The following TBC1D14 variants were observed in gnomAD, a reference collection of about 807,000 sequenced individuals.
TBC1D14 encodes TBC1 domain family, member 14.
TBC1D14 carries 26 observed loss-of-function variants against 79.0 expected under a neutral mutation model. The ratio of observed to expected loss-of-function variants is 0.33; its 90% CI spans 0.24 to 0.46. TBC1D14 has a LOEUF of 0.46. Ranked by LOEUF, TBC1D14 falls within the 20% of genes least tolerant of loss-of-function variation. The pLI is 1.00. For missense variants in TBC1D14, 769 were observed against 887.6 expected, an observed-to-expected ratio of 0.87 and a Z score of 1.70; for synonymous variants, 394 against 349.9, an observed-to-expected ratio of 1.13 and a Z score of -1.40.
chr4:6,965,766 C>G (rs1438411804), intron 2 of TBC1D14, among the ~76,000 whole-genome samples: 2 of 152,212 alleles, frequency 1.3e-5, no homozygotes, highest in Admixed American at 6.5e-5. Context: ...GTCTCAAACT[C>G]TTGGCCTCCT....
rs114256046 is a variant in TBC1D14 at position 6,959,876 on chromosome 4, G to C, written c.723-7428G>C. On this transcript the variant is annotated intron_variant, in intron 2 of 13. Coordinates refer to ENST00000409757, the MANE Select transcript of TBC1D14 (RefSeq NM_020773.3). ...TGCAGAAAAATCCTGTACTTTTTTG[G>C]GGTGTGATGAAGTCTTACTGATTTG... Among the ~76,000 whole-genome samples the C allele has an allele frequency of 7.3e-3, 1,110 of 152,212 alleles. 16 individuals are homozygous for C. The highest frequency in any genetic ancestry group is 0.025 in the African/African-American group (1,057 of 41,508).
chr4:7,003,564 A>T lies in TBC1D14; in HGVS notation c.1271-1280A>T, dbSNP rs1239961869. 2.6e-5 allele frequency among the ~76,000 whole-genome samples: 4 copies of T among 152,252 alleles called. No individual in the cohort carries two copies. The South Asian group carries it at 8.3e-4, about 31-fold the overall frequency. ...ATAGTGTGCACTGCCCAGAAGGCAGATGTGCTCTGCTGTATTTTCCAAAAG... is the reference window on the plus strand; with the variant it reads ...ATAGTGTGCACTGCCCAGAAGGCAGTTGTGCTCTGCTGTATTTTCCAAAAG... On this transcript the variant is annotated intron_variant, in intron 7 of 13. Coordinates refer to ENST00000409757, the MANE Select transcript of TBC1D14 (RefSeq NM_020773.3).
chr4:6,974,704 A>G (rs943358019), intron 3 of TBC1D14, among the ~76,000 whole-genome samples: 9 of 152,202 alleles, frequency 5.9e-5, no homozygotes, highest in African/African-American at 2.2e-4. Context: ...TTGCTTACTA[A>G]GATAAAAACG....
intron 2 of TBC1D14, among the ~76,000 whole-genome samples, chr4:6,937,713 A>G (rs1712475357): frequency 6.6e-6 from 1 of 152,174 alleles, no homozygotes; most frequent in Non-Finnish European, 1.5e-5. Flanking sequence ...CTAAGTGTGT[A>G]CAGGGAAGGG....
chr4:7,007,479 T>C (rs1027948009), intron 9 of TBC1D14: 57 of 1,213,844 alleles, frequency 4.7e-5, no homozygotes, highest in Non-Finnish European at 5.9e-5. Context: ...TCTTGCAGAA[T>C]ACCTTTGCAC....
intron 1 of TBC1D14, among the ~76,000 whole-genome samples, chr4:6,919,721 A>G (rs1339444126): frequency 6.6e-6 from 1 of 151,928 alleles, no homozygotes; most frequent in African/African-American, 2.4e-5. Flanking sequence ...CCTGGGTTCA[A>G]GCGATTCTCC....
At chr4:6,967,468 T>A (rs111813186) in intron 3 of TBC1D14, 44 bp downstream of exon 3, 1 of 1,598,400 alleles carries the variant, frequency 6.3e-7, no homozygotes, top group Non-Finnish European at 8.5e-7. Flanking sequence ...TTGGATGTGT[T>A]TAGCATATAT....
At chr4:7,016,416 C>T (rs1721283025) in intron 12 of TBC1D14, among the ~76,000 whole-genome samples, 1 of 152,252 alleles carries the variant, frequency 6.6e-6, no homozygotes, top group African/African-American at 2.4e-5. Flanking sequence ...GTGCATTTGA[C>T]TGCGAGCCCT....
intron 2 of TBC1D14, among the ~76,000 whole-genome samples, chr4:6,938,229 T>A (rs1426482672): frequency 1.3e-5 from 2 of 152,142 alleles, no homozygotes; most frequent in African/African-American, 4.8e-5. Context: ...CCCTGACTGT[T>A]GGCTGTGCAG....
At chr4:7,017,315 A>C (rs1038511431) in intron 12 of TBC1D14, among the ~76,000 whole-genome samples, 1 of 152,092 alleles carries the variant, frequency 6.6e-6, no homozygotes, top group Non-Finnish European at 1.5e-5. Context: ...CAAACAAACA[A>C]AAAATAAAAC....
intron 2 of TBC1D14, among the ~76,000 whole-genome samples, chr4:6,949,371 G>C (rs1713800824): frequency 6.6e-6 from 1 of 151,994 alleles, no homozygotes; most frequent in African/African-American, 2.4e-5. Context: ...TTATAGATCA[G>C]TGTTTATTAC....
intron 12 of TBC1D14, among the ~76,000 whole-genome samples, chr4:7,018,270 A>G (rs1721474841): frequency 6.6e-6 from 1 of 152,188 alleles, no homozygotes. Flanking sequence ...TGCCTGAGCA[A>G]GAGAGCCTTC....
At chr4:7,015,678 C>T (rs142479958) in intron 12 of TBC1D14, among the ~76,000 whole-genome samples, 3 of 152,258 alleles carry the variant, frequency 2.0e-5, no homozygotes, top group Non-Finnish European at 4.4e-5. Context: ...AGCAGCCTCT[C>T]AGATCACATG....
intron 3 of TBC1D14, among the ~76,000 whole-genome samples, chr4:6,978,002 C>T (rs1241556581): frequency 2.6e-5 from 4 of 150,962 alleles, no homozygotes; most frequent in African/African-American, 7.3e-5. Flanking sequence ...CCCCTCCGCC[C>T]GGCAGCCACT....
rs1352871477 is a variant in TBC1D14, at chr4:6,994,233, A to G, written c.893A>G (p.Gln298Arg). 6.2e-7 allele frequency: 1 copy of G among 1,614,276 alleles called. No homozygotes were observed. Among genetic ancestry groups the G allele is most frequent in the Admixed American group, 1.7e-5 (1 of 60,032 alleles). The change falls in exon 4 of 14, where the codon CAG becomes CGG. Residue 298 changes from glutamine to arginine, a missense_variant. Gln to Arg is a conservative substitution (Grantham distance 43). Around this residue, in one of 2 missense-constraint regions of TBC1D14, gnomAD observed 402 missense variants for 393.2 expected, o/e 1.02. Transcript: ENST00000409757. Reference protein sequence around the residue: ...GRPSKPPSPKQNVRKNLDFEP... With the variant: ...GRPSKPPSPKRNVRKNLDFEP... ...CCTAGCAAGCCACCCTCTCCAAAGC[A>G]GAATGTGAGGAAGAATCTTGACTTT...
intron 2 of TBC1D14, among the ~76,000 whole-genome samples, chr4:6,952,710 CTG>C (rs1156992213): frequency 3.3e-5 from 5 of 152,196 alleles, no homozygotes; most frequent in African/African-American, 1.2e-4. Flanking sequence ...ATGGAGCTGA[CTG>C]TTAGAGGATG....
chr4:6,911,079 T>C (rs979100027), intron 1 of TBC1D14, among the ~76,000 whole-genome samples: 4 of 152,192 alleles, frequency 2.6e-5, no homozygotes, highest in Admixed American at 2.0e-4. Flanking sequence ...GGGCTAGTCC[T>C]TACAGCAGTC....
chr4:7,029,086 T>C (rs780877559), intron 13 of TBC1D14, among the ~76,000 whole-genome samples: 1 of 152,040 alleles, frequency 6.6e-6, no homozygotes, highest in African/African-American at 2.4e-5. Flanking sequence ...GTGATCTTCC[T>C]CCCTTGGCCT....
At chr4:6,992,764 T>G (rs952572564) in intron 3 of TBC1D14, among the ~76,000 whole-genome samples, 1 of 152,368 alleles carries the variant, frequency 6.6e-6, no homozygotes, top group Non-Finnish European at 1.5e-5. Flanking sequence ...AGTGCCGTCT[T>G]AGGTCACGGC....
Sources: allele counts gnomAD v4.1 joint callset (sites outside exome capture counted in the v4.1 genomes callset), GRCh38; gene constraint gnomAD v4.1.1; regional missense constraint gnomAD v4.1.1; transcripts MANE v1.5; gene names NCBI Gene and HGNC (gene_info 2026-07-23, HGNC 2026-07-21).